The following CELF2 variants were observed in gnomAD, a reference collection of about 807,000 sequenced individuals.
CELF2 encodes the protein CUG triplet repeat RNA-binding protein 2.
Under a neutral mutation model 62.6 loss-of-function variants are expected in CELF2, and 8 were observed. The observed-to-expected ratio is 0.13, with a 90% CI of 0.07 to 0.23. The LOEUF (loss-of-function observed/expected upper bound fraction) is 0.23, where lower values mean the gene tolerates loss of function less well. Among genes scored for constraint, CELF2 ranks in the 10% least tolerant of loss-of-function variants. The pLI is 1.00. For synonymous variants in CELF2, 258 were observed against 250.0 expected (o/e 1.03, Z -0.30); for missense variants, 333 against 671.0 (o/e 0.50, Z 5.56).
chr10:11,248,974 T>A (rs921601101), intron 3 of CELF2, among the ~76,000 whole-genome samples, 179 bp from the exon 4 acceptor site: 3 of 152,204 alleles, frequency 2.0e-5, no homozygotes, highest in African/African-American at 7.2e-5. Flanking sequence ...CTTCAAAGGG[T>A]TTGATTCCCG....
chr10:10,894,566 C>G (rs1020327907), intron 1 of CELF2, among the ~76,000 whole-genome samples: 2 of 152,100 alleles, frequency 1.3e-5, no homozygotes, highest in Non-Finnish European at 2.9e-5. Context: ...TTCAATCACA[C>G]CAGTAGGACG....
the CELF2 span, among the ~76,000 whole-genome samples, chr10:10,691,243 G>A: frequency 6.6e-6 from 1 of 151,466 alleles, no homozygotes; most frequent in Non-Finnish European, 1.5e-5. Context: ...ACCTATGAGT[G>A]AGAATATGCG....
At chr10:10,634,842 T>G in the CELF2 span, among the ~76,000 whole-genome samples, 6 of 152,150 alleles carry the variant, frequency 3.9e-5, no homozygotes, top group East Asian at 1.2e-3. Flanking sequence ...TTTGTATATT[T>G]AGTAGAGACG....
the CELF2 span, among the ~76,000 whole-genome samples, chr10:10,584,320 T>C: frequency 1.3e-5 from 2 of 152,120 alleles, no homozygotes; most frequent in African/African-American, 4.8e-5. Context: ...TTACAGACCA[T>C]AAAAGGGGAA....
chr10:10,783,533 A>G, the CELF2 span, among the ~76,000 whole-genome samples: 520 of 152,320 alleles, frequency 3.4e-3, 1 homozygote, highest in African/African-American at 0.012. Context: ...TGAGACAATA[A>G]AATTCTGTTT....
chr10:10,712,438 A>T, the CELF2 span, among the ~76,000 whole-genome samples: 2 of 152,148 alleles, frequency 1.3e-5, no homozygotes, highest in South Asian at 4.2e-4. Flanking sequence ...GTTGTAGGCC[A>T]TTTTTTTCTA....
intron 7 of CELF2, 94 bp from the exon 8 acceptor site, chr10:11,274,963 G>A: frequency 8.2e-7 from 1 of 1,217,768 alleles, no homozygotes; most frequent in Non-Finnish European, 1.2e-6. Flanking sequence ...AACCAACCCT[G>A]GAAATGCAGA....
chr10:11,058,394 ATAAAGTAT>A (rs1227928183), intron 1 of CELF2, among the ~76,000 whole-genome samples: 1 of 151,438 alleles, frequency 6.6e-6, no homozygotes, highest in African/African-American at 2.4e-5. Flanking sequence ...GTGTTAAAGT[ATAAAGTAT>A]TATTTTTCAA....
At chr10:10,583,441 A>G in the CELF2 span, among the ~76,000 whole-genome samples, 1 of 152,248 alleles carries the variant, frequency 6.6e-6, no homozygotes, top group East Asian at 1.9e-4. Flanking sequence ...AATATTTTGT[A>G]CCAAGGAAGT....
the CELF2 span, among the ~76,000 whole-genome samples, chr10:10,778,341 G>T: frequency 5.9e-5 from 9 of 152,144 alleles, no homozygotes; most frequent in African/African-American, 2.2e-4. Context: ...TGTACACAGA[G>T]TCGTACACAG....
chr10:10,906,781 C>G (rs1197262758), intron 1 of CELF2, among the ~76,000 whole-genome samples: 1 of 137,216 alleles, frequency 7.3e-6, no homozygotes, highest in East Asian at 2.2e-4. Flanking sequence ...TGCGGGGGCG[C>G]AATCTCGGCT....
the CELF2 span, among the ~76,000 whole-genome samples, chr10:10,716,807 C>T: frequency 6.6e-6 from 1 of 152,186 alleles, no homozygotes; most frequent in African/African-American, 2.4e-5. Flanking sequence ...CATTCCAACA[C>T]TTTCGCTGCA....
upstream of CELF2, among the ~76,000 whole-genome samples, chr10:11,004,649 C>T (rs1353127812): frequency 6.6e-6 from 1 of 152,142 alleles, no homozygotes; most frequent in African/African-American, 2.4e-5. This position sits in a 1 kb window ranked among gnomAD's most constrained non-coding sequence, Gnocchi z 5.0. Flanking sequence ...ACAATCTTTG[C>T]ATTGCCTGCC....
chr10:10,536,698 G>T, the CELF2 span, among the ~76,000 whole-genome samples: 1 of 152,304 alleles, frequency 6.6e-6, no homozygotes, highest in Admixed American at 6.5e-5. Flanking sequence ...TGAGGGTGCC[G>T]ACAGGGACAG....
rs926482756 is a variant in CELF2 at position 11,333,270 on chromosome 10, T to G, written c.*4217T>G. 3 of 152,558 alleles carry G rather than the reference T, an allele frequency of 2.0e-5. No individual in the cohort carries two copies. The highest frequency in any genetic ancestry group is 7.2e-5 in the African/African-American group (3 of 41,456). The allele number at this position is 152,558 out of a possible 1,614,324, so 9.5% of individuals were successfully genotyped here. ...AACCTTCCACAGAGACAAACTGTCC[T>G]TCTATCCACTTTTATCTTTTAATAA... On this transcript the variant is annotated 3_prime_UTR_variant, in exon 13 of 13. Transcript: ENST00000633077.
intron 1 of CELF2, among the ~76,000 whole-genome samples, chr10:11,080,905 G>C (rs1466066235): frequency 6.6e-6 from 1 of 152,200 alleles, no homozygotes; most frequent in Non-Finnish European, 1.5e-5. Flanking sequence ...AGTTTCTAGA[G>C]GCAGGCTAGG....
At chr10:11,205,099 G>A (rs1014228376) in intron 2 of CELF2, among the ~76,000 whole-genome samples, 4 of 152,230 alleles carry the variant, frequency 2.6e-5, no homozygotes, top group East Asian at 1.9e-4. Flanking sequence ...TAGAGGTCAC[G>A]TAAATGGATG....
chr10:10,550,905 T>A, the CELF2 span, among the ~76,000 whole-genome samples: 1 of 152,034 alleles, frequency 6.6e-6, no homozygotes, highest in Non-Finnish European at 1.5e-5. Context: ...TCCATGTTGA[T>A]CAGGCTGGTC....
At chr10:10,843,660 T>C (rs1216375057) in intron 1 of CELF2, among the ~76,000 whole-genome samples, 1 of 152,044 alleles carries the variant, frequency 6.6e-6, no homozygotes, top group Admixed American at 6.6e-5. Flanking sequence ...GATGAAGTAT[T>C]CTATATATTC....
Sources: allele counts gnomAD v4.1 joint callset (sites outside exome capture counted in the v4.1 genomes callset), GRCh38; gene constraint gnomAD v4.1.1; non-coding constraint Gnocchi (gnomAD v3.1); transcripts MANE v1.5; gene names NCBI Gene and HGNC (gene_info 2026-07-23, HGNC 2026-07-21).